The following AGAP1 variants were observed in gnomAD, a reference collection of about 807,000 sequenced individuals.
AGAP1 encodes ArfGAP with GTPase domain, ankyrin repeat and PH domain 1, also known as arf-GAP with GTPase, ANK repeat and PH domain-containing protein 1.
A neutral mutation model predicts 105.3 loss-of-function variants in AGAP1; 29 were observed. The observed-to-expected ratio is 0.28, with a 90% CI of 0.21 to 0.38. The LOEUF (loss-of-function observed/expected upper bound fraction) is 0.38. Among genes scored for constraint, AGAP1 ranks in the 10% least tolerant of loss-of-function variants. The pLI is 1.00. For synonymous variants in AGAP1, 509 were observed against 485.9 expected, an observed-to-expected ratio of 1.05 and a Z score of -0.63; for missense variants, 998 against 1,165.1, an observed-to-expected ratio of 0.86 and a Z score of 2.09.
At position 235,902,392 on chromosome 2, in the gene AGAP1, C is replaced by T. The variant is rs191823792; in HGVS notation, c.1156-6346C>T. 4.8e-3 allele frequency among the ~76,000 whole-genome samples: 728 copies of T among 152,270 alleles called. 8 individuals carry two copies. Among genetic ancestry groups the T allele is most frequent in the African/African-American group, 0.017 (692 of 41,556 alleles). On this transcript the variant is annotated intron_variant, in intron 10 of 17. Transcript: ENST00000304032. ...TTAAAATCCATCCAACTGACTTGCCCTTTGAATGATCTTTTACGTGTGTTT... is the reference window on the plus strand; with the variant it reads ...TTAAAATCCATCCAACTGACTTGCCTTTTGAATGATCTTTTACGTGTGTTT...
intron 1 of AGAP1, among the ~76,000 whole-genome samples, chr2:235,529,394 G>A (rs192506948): frequency 1.3e-5 from 2 of 152,326 alleles, no homozygotes; most frequent in East Asian, 3.9e-4. Context: ...GCCATTGTAA[G>A]GATTAAAGTG....
intron 16 of AGAP1, among the ~76,000 whole-genome samples, chr2:236,084,223 CGG>C (rs948254636): frequency 2.0e-5 from 3 of 147,414 alleles, no homozygotes; most frequent in African/African-American, 7.5e-5. Flanking sequence ...TCCTGAAGGG[CGG>C]GGGGGGGTCT....
intron 1 of AGAP1, among the ~76,000 whole-genome samples, chr2:235,640,562 G>A (rs780601346): frequency 1.8e-4 from 27 of 152,190 alleles, no homozygotes; most frequent in Non-Finnish European, 2.9e-4. Context: ...TTTACTGACT[G>A]TTCTCTTCGG....
chr2:235,873,211 C>G (rs995592739), intron 9 of AGAP1, among the ~76,000 whole-genome samples: 12 of 152,204 alleles, frequency 7.9e-5, no homozygotes, highest in African/African-American at 2.9e-4. Flanking sequence ...CTGATTCCCA[C>G]TTGGTACAAA....
At position 235,637,951 on chromosome 2, in the gene AGAP1, T is replaced by A. The variant is rs571211282; in HGVS notation, c.164-71228T>A. ...CCACCTTTTTGCCCTCTTTGGGTCC[T>A]CAGTGGATTGGGTGATGCCCTCTGC... On this transcript the variant is annotated intron_variant, in intron 1 of 17. Coordinates refer to ENST00000304032, the MANE Select transcript of AGAP1 (RefSeq NM_001037131.3). 5.3e-5 allele frequency among the ~76,000 whole-genome samples: 8 copies of A among 152,278 alleles called. No individual in the cohort carries two copies. In the East Asian group the frequency reaches 1.4e-3, roughly 26 times the overall value.
chr2:235,695,767 G>GT (rs1949967860), intron 1 of AGAP1, among the ~76,000 whole-genome samples: 1 of 152,198 alleles, frequency 6.6e-6, no homozygotes, highest in East Asian at 1.9e-4. Flanking sequence ...GAAACCATGC[G>GT]TATTCACAGG....
At chr2:235,585,751 G>A (rs1945086660) in intron 1 of AGAP1, among the ~76,000 whole-genome samples, 1 of 152,076 alleles carries the variant, frequency 6.6e-6, no homozygotes, top group Non-Finnish European at 1.5e-5. Context: ...AAACCAACAG[G>A]TGCATTCAAA....
chr2:235,606,143 C>A (rs963268987), intron 1 of AGAP1, among the ~76,000 whole-genome samples: 1 of 152,192 alleles, frequency 6.6e-6, no homozygotes, highest in Admixed American at 6.5e-5. Flanking sequence ...GGCCTTTCAC[C>A]GGTGAGAAGT....
intron 1 of AGAP1, among the ~76,000 whole-genome samples, chr2:235,683,324 CAG>C (rs1260005516): frequency 6.6e-6 from 1 of 151,908 alleles, no homozygotes; most frequent in Non-Finnish European, 1.5e-5. Flanking sequence ...ACAAAAAAGA[CAG>C]AATTGGTAAA....
At chr2:235,683,385 A>G (rs1290637041) in intron 1 of AGAP1, among the ~76,000 whole-genome samples, 3 of 152,098 alleles carry the variant, frequency 2.0e-5, no homozygotes, top group Non-Finnish European at 2.9e-5. Context: ...CCATTGTTTT[A>G]TTAAAAATGT....
At chr2:235,862,062 T>C (rs887041139) in intron 9 of AGAP1, among the ~76,000 whole-genome samples, 8 of 152,010 alleles carry the variant, frequency 5.3e-5, no homozygotes, top group African/African-American at 1.7e-4. Flanking sequence ...CCGGATGGCT[T>C]AGCACCTGGC....
intron 11 of AGAP1, among the ~76,000 whole-genome samples, chr2:235,917,727 A>G (rs2051967005): frequency 1.3e-5 from 2 of 152,162 alleles, no homozygotes; most frequent in Non-Finnish European, 1.5e-5. Flanking sequence ...AGGAACAGTG[A>G]CAAAGGTTTG....
chr2:236,062,692 C>T lies in AGAP1; in HGVS notation c.2114+13411C>T, dbSNP rs1363608567. 2.0e-5 allele frequency among the ~76,000 whole-genome samples: 3 copies of T among 152,088 alleles called. No individual in the cohort carries two copies. Among genetic ancestry groups the T allele is most frequent in the African/African-American group, 7.2e-5 (3 of 41,398 alleles). On this transcript the variant is annotated intron_variant, in intron 16 of 17. Coordinates refer to ENST00000304032, the MANE Select transcript of AGAP1 (RefSeq NM_001037131.3). This position sits in a 1 kb window ranked among gnomAD's most constrained non-coding sequence, Gnocchi z 4.2. ...TGTTTGTTTGTTTGAGATGGAATCT[C>T]ACTCTGTCACCCAGGCTGGAGTGCA...
rs1393715139 is a variant in AGAP1 at position 236,073,884 on chromosome 2, T to C, written c.2114+24603T>C. Among the ~76,000 whole-genome samples, 1 of 152,096 alleles carries C rather than the reference T, an allele frequency of 6.6e-6. No homozygotes were observed. The highest frequency in any genetic ancestry group is 1.5e-5 in the Non-Finnish European group (1 of 68,028). ...GACCCCCAGAATCACACTATGCTGGTTGGCCTGGGCATGCCCCTCCCCCCA... is the reference window on the plus strand; with the variant it reads ...GACCCCCAGAATCACACTATGCTGGCTGGCCTGGGCATGCCCCTCCCCCCA... On this transcript the variant is annotated intron_variant, in intron 16 of 17. Transcript: ENST00000304032. The surrounding 1 kb of genome is among the most constrained non-coding windows in gnomAD (Gnocchi z 5.4).
intron 6 of AGAP1, among the ~76,000 whole-genome samples, chr2:235,794,369 G>A (rs185995529): frequency 1.3e-5 from 2 of 152,308 alleles, no homozygotes; most frequent in East Asian, 3.9e-4. Flanking sequence ...CGTTGACACC[G>A]TTTTAGATTT....
rs558238373 is a variant in AGAP1 at position 235,794,360 on chromosome 2, G to A, written c.674-3399G>A. ...GTAAGCGCAAATGTTTTCAGTACCC[G>A]TTGACACCGTTTTAGATTTGGGAGT... On this transcript the variant is annotated intron_variant, in intron 6 of 17. Coordinates refer to ENST00000304032, the MANE Select transcript of AGAP1 (RefSeq NM_001037131.3). Among the ~76,000 whole-genome samples the A allele has an allele frequency of 2.6e-5, 4 of 152,330 alleles. No individual in the cohort carries two copies. In the East Asian group the frequency reaches 5.8e-4, roughly 22 times the overall value.
intron 1 of AGAP1, among the ~76,000 whole-genome samples, chr2:235,634,537 G>A (rs1946929486): frequency 6.6e-6 from 1 of 152,174 alleles, no homozygotes; most frequent in Non-Finnish European, 1.5e-5. Flanking sequence ...TGTGAAGCAA[G>A]CCCATCTCTA....
intron 6 of AGAP1, among the ~76,000 whole-genome samples, chr2:235,790,275 A>G (rs1559491748): frequency 1.3e-5 from 2 of 152,234 alleles, no homozygotes; most frequent in African/African-American, 4.8e-5. Context: ...TTGGTAGCTT[A>G]GAATCATCAG....
At position 235,636,594 on chromosome 2, in the gene AGAP1, C is replaced by T. The variant is rs1575012501; in HGVS notation, c.164-72585C>T. On this transcript the variant is annotated intron_variant, in intron 1 of 17. Coordinates refer to ENST00000304032, the MANE Select transcript of AGAP1 (RefSeq NM_001037131.3). ...CCACTCCCCTAGGCATCCCTCACTT[C>T]TGGACCCTCCACATCAGCATCCCAT... 4.6e-5 allele frequency among the ~76,000 whole-genome samples: 7 copies of T among 152,168 alleles called. No homozygotes were observed. The East Asian group carries it at 1.2e-3, about 25-fold the overall frequency.
Sources: allele counts gnomAD v4.1 joint callset (sites outside exome capture counted in the v4.1 genomes callset), GRCh38; gene constraint gnomAD v4.1.1; non-coding constraint Gnocchi (gnomAD v3.1); transcripts MANE v1.5; gene names NCBI Gene and HGNC (gene_info 2026-07-23, HGNC 2026-07-21).